PLXDC2: variants seen among roughly 807,000 people sequenced by gnomAD.
The protein encoded by PLXDC2 is plexin domain containing 2, also known as plexin domain-containing protein 2.
In PLXDC2, 40 loss-of-function variants were observed where a neutral mutation model predicts 68.9. That is an observed-to-expected ratio of 0.58 (90% CI 0.45 to 0.76). The LOEUF is 0.76. PLXDC2 is among the 30% of genes least tolerant of loss of function. The pLI is 0.00. For synonymous variants in PLXDC2, 243 were observed against 234.2 expected (o/e 1.04, Z -0.34); for missense variants, 644 against 661.9 (o/e 0.97, Z 0.30).
At chr10:20,002,354 G>T (rs1341708867) in intron 2 of PLXDC2, among the ~76,000 whole-genome samples, 2 of 151,640 alleles carry the variant, frequency 1.3e-5, no homozygotes, top group African/African-American at 4.8e-5. Context: ...CTGCTTCCTG[G>T]GTTCAAGCAA....
At chr10:19,895,019 A>G (rs1055638535) in intron 1 of PLXDC2, among the ~76,000 whole-genome samples, 1 of 152,238 alleles carries the variant, frequency 6.6e-6, no homozygotes, top group African/African-American at 2.4e-5. Context: ...AAAGTCTTGG[A>G]ACCAACCCAA....
intron 3 of PLXDC2, among the ~76,000 whole-genome samples, chr10:20,059,824 C>G (rs534738604): frequency 5.3e-5 from 8 of 152,038 alleles, no homozygotes; most frequent in Admixed American, 1.3e-4. Context: ...GTTATCCTGC[C>G]CACTATGCTA....
At chr10:20,125,847 T>G (rs1833766197) in intron 4 of PLXDC2, among the ~76,000 whole-genome samples, 1 of 151,904 alleles carries the variant, frequency 6.6e-6, no homozygotes, top group Non-Finnish European at 1.5e-5. Context: ...AGTGATGACA[T>G]GAGGTCATAC....
intron 9 of PLXDC2, among the ~76,000 whole-genome samples, chr10:20,190,133 T>C (rs1482041579): frequency 6.6e-6 from 1 of 151,932 alleles, no homozygotes; most frequent in Non-Finnish European, 1.5e-5. Context: ...ATCCAAGTAA[T>C]GTTAAAGTTT....
rs1836110064 is a variant in PLXDC2, at chr10:20,283,613, C to T, written c.*3794C>T. ...GTATTTGTCCCACATGACATCCATC[C>T]CATGTATTTATCCACTCTTTCACAA... On this transcript the variant is annotated 3_prime_UTR_variant, in exon 14 of 14. Transcript: ENST00000377252. The T allele has an allele frequency of 6.6e-6, 1 of 152,134 alleles. No individual in the cohort carries two copies. Among genetic ancestry groups the T allele is most frequent in the Admixed American group, 6.5e-5 (1 of 15,274 alleles). The allele number at this position is 152,134 out of a possible 1,614,324, so 9.4% of individuals were successfully genotyped here.
chr10:19,931,697 T>C (rs752107767), intron 1 of PLXDC2, among the ~76,000 whole-genome samples: 1 of 152,292 alleles, frequency 6.6e-6, no homozygotes, highest in South Asian at 2.1e-4. Flanking sequence ...TTATCAATGT[T>C]GTCACTGCCT....
intron 4 of PLXDC2, among the ~76,000 whole-genome samples, chr10:20,090,677 T>G (rs1833264369): frequency 1.3e-5 from 2 of 152,296 alleles, no homozygotes; most frequent in African/African-American, 4.8e-5. Context: ...ATATTTTCTC[T>G]GTGCATAATA....
intron 1 of PLXDC2, among the ~76,000 whole-genome samples, chr10:19,937,191 A>C (rs768984987): frequency 6.6e-6 from 1 of 152,114 alleles, no homozygotes; most frequent in Non-Finnish European, 1.5e-5. Context: ...GTGTTACATT[A>C]ATCTGCATGT....
chr10:19,877,045 A>G (rs1170986084), intron 1 of PLXDC2, among the ~76,000 whole-genome samples: 1 of 152,240 alleles, frequency 6.6e-6, no homozygotes, highest in African/African-American at 2.4e-5. Context: ...TTTGAAGATG[A>G]CCTCAATAAG....
chr10:20,284,686 G>A lies in PLXDC2; in HGVS notation c.*4867G>A, dbSNP rs1282172664. ...CCAAAGAGATATAGTAATAGTCCCA[G>A]TGTCAGTAAACTGGGTCTTGAACTT... On this transcript the variant is annotated 3_prime_UTR_variant, in exon 14 of 14. Transcript: ENST00000377252. 1 of 152,090 alleles carries A rather than the reference G, an allele frequency of 6.6e-6. No homozygotes were observed. The highest frequency in any genetic ancestry group is 1.5e-5 in the Non-Finnish European group (1 of 68,028). 9.4% of individuals were successfully genotyped at this position (152,090 alleles called of 1,614,324 possible). A position where few individuals can be genotyped will look rare whatever the true frequency, so the allele number is the denominator to read the frequency against.
At position 20,129,379 on chromosome 10, in the gene PLXDC2, C is replaced by T. The variant is rs115575658; in HGVS notation, c.542-13916C>T. Among the ~76,000 whole-genome samples, 1,340 of 152,070 alleles carry T rather than the reference C, an allele frequency of 8.8e-3. 18 individuals carry two copies. Among genetic ancestry groups the T allele is most frequent in the African/African-American group, 0.031 (1,284 of 41,516 alleles). ...TATATTTTGAATAATGACCCCTTAGCAGATATGTAATTTGCAAATGTCTTC... is the reference window on the plus strand; with the variant it reads ...TATATTTTGAATAATGACCCCTTAGTAGATATGTAATTTGCAAATGTCTTC... On this transcript the variant is annotated intron_variant, in intron 4 of 13. Coordinates refer to ENST00000377252, the MANE Select transcript of PLXDC2 (RefSeq NM_032812.9).
At chr10:19,837,407 A>AGTGTGTGTGTGTGTGT in intron 1 of PLXDC2, among the ~76,000 whole-genome samples, 2 of 87,616 alleles carry the variant, frequency 2.3e-5, no homozygotes, top group South Asian at 1.1e-3. Context: ...AGAGAGAGAG[A>AGTGTGTGTGTGTGTGT]GAGTGTGTGT....
At chr10:20,151,380 G>A (rs907614316) in intron 6 of PLXDC2, among the ~76,000 whole-genome samples, 4 of 152,068 alleles carry the variant, frequency 2.6e-5, no homozygotes, top group African/African-American at 7.2e-5. Flanking sequence ...TTACAATAGC[G>A]GTGGTACATA....
chr10:20,228,003 G>C (rs1835308741), intron 12 of PLXDC2, among the ~76,000 whole-genome samples: 1 of 152,144 alleles, frequency 6.6e-6, no homozygotes, highest in South Asian at 2.1e-4. Context: ...GACGAAGGTG[G>C]TTCCCAGGAC....
chr10:20,012,525 C>T (rs1835138457), intron 2 of PLXDC2, among the ~76,000 whole-genome samples: 2 of 150,998 alleles, frequency 1.3e-5, no homozygotes, highest in Admixed American at 1.3e-4. Flanking sequence ...GGGGTTTTGC[C>T]TTGTTGGCCA....
At position 20,065,764 on chromosome 10, in the gene PLXDC2, C is replaced by T. The variant is rs530592445; in HGVS notation, c.472-2406C>T. 5.9e-5 allele frequency among the ~76,000 whole-genome samples: 9 copies of T among 152,310 alleles called. No homozygotes were observed. In the South Asian group the frequency reaches 6.2e-4, roughly 11 times the overall value. ...TGCAGTTCACAATAGGGCTCACGCTCCTATGAGAATCTAATGCTGCCAGTG... is the reference window on the plus strand; with the variant it reads ...TGCAGTTCACAATAGGGCTCACGCTTCTATGAGAATCTAATGCTGCCAGTG... On this transcript the variant is annotated intron_variant, in intron 3 of 13. Transcript: ENST00000377252.
chr10:20,222,412 T>C (rs1448759798), intron 12 of PLXDC2, among the ~76,000 whole-genome samples: 3 of 152,206 alleles, frequency 2.0e-5, no homozygotes, highest in African/African-American at 4.8e-5. Context: ...AGAGTTACAA[T>C]CTGCTAAGTC....
intron 4 of PLXDC2, 84 bp from the exon 5 acceptor site, chr10:20,143,211 A>T: frequency 7.4e-7 from 1 of 1,353,266 alleles, no homozygotes; most frequent in South Asian, 1.4e-5. Flanking sequence ...TCATAATATG[A>T]CTGTAATTGA....
intron 1 of PLXDC2, among the ~76,000 whole-genome samples, chr10:19,840,000 A>T (rs2131317037): frequency 6.6e-6 from 1 of 152,330 alleles, no homozygotes; most frequent in East Asian, 1.9e-4. Context: ...AATTGAAGAC[A>T]AAAACTAAAT....
Sources: gnomAD v4.1 joint callset for allele counts (sites outside exome capture counted in the v4.1 genomes callset) on GRCh38, gnomAD v4.1.1 for gene constraint, MANE v1.5 for transcripts, NCBI Gene and HGNC (gene_info 2026-07-23, HGNC 2026-07-21) for gene names.